The following CNTNAP5 variants were observed in gnomAD, a reference collection of about 807,000 sequenced individuals.
CNTNAP5 encodes the protein contactin associated protein family member 5, also known as contactin-associated protein-like 5.
CNTNAP5 carries 72 observed loss-of-function variants against 150.2 expected under a neutral mutation model. That is an observed-to-expected ratio of 0.48 (90% confidence interval 0.40 to 0.58). The LOEUF is 0.58. Among genes scored for constraint, CNTNAP5 ranks in the 20% least tolerant of loss-of-function variants. The pLI is 0.00. For missense variants in CNTNAP5, 1,636 were observed against 1,626.2 expected (o/e 1.01, Z -0.10); for synonymous variants, 672 against 619.8 (o/e 1.08, Z -1.25).
chr2:124,900,486 G>A (rs1678394392), intron 21 of CNTNAP5, among the ~76,000 whole-genome samples: 1 of 151,284 alleles, frequency 6.6e-6, no homozygotes, highest in Non-Finnish European at 1.5e-5. Context: ...CAAGGTTTCT[G>A]TCCTTATAGT....
At chr2:124,173,851 C>G (rs189484168) in intron 1 of CNTNAP5, among the ~76,000 whole-genome samples, 2 of 152,176 alleles carry the variant, frequency 1.3e-5, no homozygotes, top group South Asian at 4.1e-4. Context: ...CTAGGACTTT[C>G]ATAGCTAGAG....
At chr2:124,826,168 C>T (rs1319191110) in intron 19 of CNTNAP5, among the ~76,000 whole-genome samples, 1 of 151,870 alleles carries the variant, frequency 6.6e-6, no homozygotes, top group African/African-American at 2.4e-5. Flanking sequence ...TATTAAATAT[C>T]AAAAGAAGTA....
intron 1 of CNTNAP5, among the ~76,000 whole-genome samples, chr2:124,122,671 T>C (rs1683592286): frequency 6.6e-6 from 1 of 152,094 alleles, no homozygotes; most frequent in Non-Finnish European, 1.5e-5. Context: ...TGGATGCTTA[T>C]TGTGTGCCAG....
chr2:124,609,133 G>C (rs1245177296), intron 11 of CNTNAP5, among the ~76,000 whole-genome samples: 1 of 152,098 alleles, frequency 6.6e-6, no homozygotes, highest in Non-Finnish European at 1.5e-5. Flanking sequence ...CCCATTGAAA[G>C]AGACACAATG....
At chr2:124,113,656 T>G (rs977317551) in intron 1 of CNTNAP5, among the ~76,000 whole-genome samples, 2 of 151,956 alleles carry the variant, frequency 1.3e-5, no homozygotes, top group Non-Finnish European at 1.5e-5. Context: ...AATGAAAAGA[T>G]AAGTTCTTAA....
intron 7 of CNTNAP5, among the ~76,000 whole-genome samples, chr2:124,495,524 A>G (rs573055243): frequency 1.3e-5 from 2 of 152,332 alleles, no homozygotes; most frequent in South Asian, 2.1e-4. Context: ...CTGAGAGGCC[A>G]GAGGAGAGGT....
intron 1 of CNTNAP5, among the ~76,000 whole-genome samples, chr2:124,070,396 G>GGAAAAAA (rs761771947): frequency 1.4e-5 from 1 of 72,960 alleles, no homozygotes. Context: ...GCTGAATGGG[G>GGAAAAAA]AAAAAAAAAA....
intron 7 of CNTNAP5, among the ~76,000 whole-genome samples, chr2:124,490,490 G>C (rs1421916230): frequency 6.6e-6 from 1 of 152,002 alleles, no homozygotes; most frequent in Non-Finnish European, 1.5e-5. Flanking sequence ...TATATAACTA[G>C]GGATCTTTCC....
intron 3 of CNTNAP5, among the ~76,000 whole-genome samples, chr2:124,368,093 C>T (rs1690422568): frequency 6.6e-6 from 1 of 152,134 alleles, no homozygotes; most frequent in Non-Finnish European, 1.5e-5. Flanking sequence ...TAGATTCCCA[C>T]ACTAGCCCAT....
chr2:124,892,468 T>C (rs1232904818), intron 21 of CNTNAP5, among the ~76,000 whole-genome samples: 1 of 152,120 alleles, frequency 6.6e-6, no homozygotes, highest in African/African-American at 2.4e-5. Context: ...CCTCATCATG[T>C]AGCAAAGAAA....
At chr2:124,135,077 T>C (rs1304355169) in intron 1 of CNTNAP5, 1 of 152,200 alleles carries the variant, frequency 6.6e-6, no homozygotes, top group Non-Finnish European at 1.5e-5. Context: ...GTGAGGCTCT[T>C]AATAGAATGG....
chr2:124,148,914 A>G (rs1389134369), intron 1 of CNTNAP5, among the ~76,000 whole-genome samples: 3 of 152,044 alleles, frequency 2.0e-5, no homozygotes, highest in Admixed American at 6.6e-5. Flanking sequence ...ACACATGTAT[A>G]CACACATATA....
At chr2:124,037,565 G>C (rs1394049836) in intron 1 of CNTNAP5, among the ~76,000 whole-genome samples, 1 of 152,188 alleles carries the variant, frequency 6.6e-6, no homozygotes, top group African/African-American at 2.4e-5. Flanking sequence ...ATTATGTCAA[G>C]TGAAACAAGC....
chr2:124,550,105 T>A (rs1180859095), intron 10 of CNTNAP5, among the ~76,000 whole-genome samples: 1 of 152,254 alleles, frequency 6.6e-6, no homozygotes, highest in African/African-American at 2.4e-5. Flanking sequence ...AGCTAAAGAC[T>A]AACATTGCTA....
chr2:124,240,640 A>G (rs1686860956), intron 2 of CNTNAP5, among the ~76,000 whole-genome samples: 1 of 151,224 alleles, frequency 6.6e-6, no homozygotes, highest in African/African-American at 2.4e-5. Flanking sequence ...CTGCATTTGA[A>G]TCTTCTCAGG....
rs192642339 is a variant in CNTNAP5, at chr2:124,866,133, C to T, written c.3348+697C>T. 2.9e-3 allele frequency among the ~76,000 whole-genome samples: 446 copies of T among 151,630 alleles called. 2 individuals carry two copies. Among genetic ancestry groups the T allele is most frequent in the African/African-American group, 9.8e-3 (406 of 41,338 alleles). On this transcript the variant is annotated intron_variant, in intron 20 of 23. Transcript: ENST00000682447. ...CAAAAATTAGCCAGGTGTGGTGGCACGCACCTATAATCCCAGCTACTGGGG... is the reference window on the plus strand; with the variant it reads ...CAAAAATTAGCCAGGTGTGGTGGCATGCACCTATAATCCCAGCTACTGGGG...
intron 13 of CNTNAP5, among the ~76,000 whole-genome samples, chr2:124,706,843 GA>G (rs112762125): frequency 0.93 from 44,306 of 47,868 alleles, 20,881 homozygotes; most frequent in East Asian, 0.95. Context: ...GGAGGGGGAG[GA>G]AGGAGGAGGA....
chr2:124,757,209 T>C (rs566395586), intron 14 of CNTNAP5, among the ~76,000 whole-genome samples: 1 of 152,198 alleles, frequency 6.6e-6, no homozygotes. Context: ...GAAGAGCTCA[T>C]GGACTCCCAG....
intron 3 of CNTNAP5, among the ~76,000 whole-genome samples, chr2:124,313,692 C>A (rs1477213544): frequency 6.6e-6 from 1 of 152,212 alleles, no homozygotes; most frequent in Non-Finnish European, 1.5e-5. Context: ...TTGTCTGGAT[C>A]ATGCCATCAT....
Sources: gnomAD v4.1 joint callset for allele counts (sites outside exome capture counted in the v4.1 genomes callset) on GRCh38, gnomAD v4.1.1 for gene constraint, MANE v1.5 for transcripts, NCBI Gene and HGNC (gene_info 2026-07-23, HGNC 2026-07-21) for gene names.